The following DACT2 variants were observed in gnomAD, a reference collection of about 807,000 sequenced individuals.
DACT2 encodes the protein dishevelled binding antagonist of beta catenin 2, also known as dapper homolog 2.
A neutral mutation model predicts 22.2 loss-of-function variants in DACT2; 20 were observed. That is an observed-to-expected ratio of 0.90 (90% confidence interval 0.63 to 1.31). The LOEUF (loss-of-function observed/expected upper bound fraction) is 1.31, where lower values mean the gene tolerates loss of function less well. Ranked by LOEUF, DACT2 falls within the 50% of genes most tolerant of loss-of-function variation. DACT2 has a pLI of 0.00. For synonymous variants in DACT2, 463 were observed against 479.8 expected, an observed-to-expected ratio of 0.96 and a Z score of 0.46; for missense variants, 1,048 against 1,061.4, an observed-to-expected ratio of 0.99 and a Z score of 0.18.
chr6:168,311,551 T>TACACACACACCCATACAC (rs778387834), intron 1 of DACT2, among the ~76,000 whole-genome samples: 22,334 of 97,120 alleles, frequency 0.23, 2,657 homozygotes, highest in East Asian at 0.6. Context: ...CACACACACA[T>TACACACACACCCATACAC]ACACACACTC....
intron 1 of DACT2, among the ~76,000 whole-genome samples, chr6:168,313,349 G>A (rs944419647): frequency 6.6e-6 from 1 of 152,148 alleles, no homozygotes; most frequent in Non-Finnish European, 1.5e-5. Flanking sequence ...GGCCTCTGAA[G>A]CCATAATATT....
chr6:168,311,239 G>A lies in DACT2; in HGVS notation c.292C>T (p.Gln98Ter). 6.4e-7 allele frequency: 1 copy of A among 1,550,896 alleles called. No individual in the cohort carries two copies. The highest frequency in any genetic ancestry group is 8.7e-7 in the Non-Finnish European group (1 of 1,146,140). ...AGCTTGCTAATCTGCAGGTCCAGCT[G>A]GTCCAGGTGGGTCTTCAGGCCGATG... ...QDIGLKTHLD[Q>*]LDLQISKLQL... Residue 98 changes from glutamine to a stop codon, truncating the protein, a stop_gained, in exon 2 of 4, where the codon CAG becomes TAG. Coordinates refer to ENST00000366795, the MANE Select transcript of DACT2 (RefSeq NM_214462.5). LOFTEE classifies it high-confidence loss of function.
At position 168,307,970 on chromosome 6, in the gene DACT2, G is replaced by C; in HGVS notation, c.1787C>G (p.Ser596Ter). ...CCTCCTGGCCACTGAGGTGAGCAGT[G>C]ACGCCTCAAAGGGGAACAGGGCTTG... ...SAQALFPFEA[S>*]LLTSVARRKH... The change falls in exon 4 of 4, where the codon TCA (serine) becomes TGA (stop). Residue 596 changes from serine to a stop codon, truncating the protein, a stop_gained. Transcript: ENST00000366795. LOFTEE classifies it low-confidence loss of function (END_TRUNC). The surrounding 1 kb of genome is among the most constrained non-coding windows in gnomAD (Gnocchi z 5.3). 6.4e-7 allele frequency: 1 copy of C among 1,551,074 alleles called. No individual in the cohort carries two copies. The highest frequency in any genetic ancestry group is 2.4e-5 in the East Asian group (1 of 40,898).
chr6:168,308,106 C>G lies in DACT2; in HGVS notation c.1651G>C (p.Ala551Pro), dbSNP rs1193736266. 1.9e-6 allele frequency: 3 copies of G among 1,545,926 alleles called. No individual in the cohort carries two copies. In the Admixed American group the frequency reaches 5.9e-5, roughly 31 times the overall value. ...CGCCCGGGTGCCTCCCAGGCCAGGG[C>G]TGGCCTCCGCTGGAGCCCGCCCCTC... Reference protein sequence around the residue: ...TGRGGLQRRPALAWEAPGRSC... With the variant: ...TGRGGLQRRPPLAWEAPGRSC... The change falls in exon 4 of 4, where the codon GCC becomes CCC. Residue 551 changes from alanine (A) to proline (P), a missense_variant. By Grantham distance (27) the Ala-to-Pro change is conservative. Transcript: ENST00000366795.
Position 168,319,746 on chromosome 6 carries a change from G to C in DACT2, c.-113C>G. 1 of 1,177,912 alleles carries C rather than the reference G, an allele frequency of 8.5e-7. No individual in the cohort carries two copies. Among genetic ancestry groups the C allele is most frequent in the Non-Finnish European group, 1.0e-6 (1 of 953,184 alleles). The allele number at this position is 1,177,912 out of a possible 1,614,324, so 73.0% of individuals were successfully genotyped here. ...CCTGCGCCTCCTCTCTCCGCCCCCG[G>C]CTCCGCAGGTCGCCAAGGTGGGCTG... On this transcript the variant is annotated 5_prime_UTR_variant, in exon 1 of 4. Coordinates refer to ENST00000366795, the MANE Select transcript of DACT2 (RefSeq NM_214462.5).
intron 3 of DACT2, among the ~76,000 whole-genome samples, chr6:168,309,586 G>A (rs937765500): frequency 2.0e-5 from 3 of 152,234 alleles, no homozygotes; most frequent in Admixed American, 2.0e-4. Flanking sequence ...AGGGCTTGGA[G>A]GCTGAAGAGG....
chr6:168,301,374 G>T (rs910782338), intron 3 of DACT2, among the ~76,000 whole-genome samples: 2 of 152,206 alleles, frequency 1.3e-5, no homozygotes, highest in African/African-American at 4.8e-5. Flanking sequence ...AGGCTGGATC[G>T]TATCTAAAAG....
At chr6:168,311,456 T>C (rs1460809365) in intron 1 of DACT2, among the ~76,000 whole-genome samples, 172 bp from the exon 2 acceptor site, 1 of 152,022 alleles carries the variant, frequency 6.6e-6, no homozygotes, top group Non-Finnish European at 1.5e-5. Flanking sequence ...AATTTCCTTG[T>C]TCCACTGTCA....
downstream of DACT2, among the ~76,000 whole-genome samples, chr6:168,304,612 G>A (rs895925726): frequency 5.9e-5 from 9 of 152,228 alleles, no homozygotes; most frequent in African/African-American, 1.2e-4. Flanking sequence ...GCACACTATA[G>A]GGAGGCCATA....
chr6:168,310,843 G>T (rs1779378422), intron 2 of DACT2, among the ~76,000 whole-genome samples: 1 of 152,168 alleles, frequency 6.6e-6, no homozygotes, highest in Non-Finnish European at 1.5e-5. Context: ...GCCAAGTTGA[G>T]GAGACCAGTC....
Position 168,311,903 on chromosome 6 carries a change from G to A in DACT2, c.247-619C>T, listed in dbSNP as rs759819177. ...TAAGGGTTTACTCTCCTGTACTAAC[G>A]CTTTACGCATCTCATGCCCAGGTGC... On this transcript the variant is annotated intron_variant, in intron 1 of 3. Coordinates refer to ENST00000366795, the MANE Select transcript of DACT2 (RefSeq NM_214462.5). Among the ~76,000 whole-genome samples the A allele has an allele frequency of 3.9e-5, 6 of 152,242 alleles. No individual in the cohort carries two copies. In the South Asian group the frequency reaches 1.0e-3, roughly 26 times the overall value.
At chr6:168,294,108 C>G (rs56060091) in intron 5 of DACT2, 291,794 of 702,774 alleles carry the variant, frequency 0.42, 65,725 homozygotes, top group Non-Finnish European at 0.49. Context: ...CCGAAGCACA[C>G]AGACAGTGAG....
intron 2 of DACT2, 121 bp downstream of exon 2, chr6:168,311,031 G>T: frequency 7.6e-7 from 1 of 1,319,346 alleles, no homozygotes; most frequent in Non-Finnish European, 9.9e-7. Flanking sequence ...CCATCTCCCT[G>T]CACGGACACT....
intron 1 of DACT2, 91 bp downstream of exon 1, chr6:168,319,297 C>T: frequency 8.2e-6 from 9 of 1,097,230 alleles, no homozygotes; most frequent in Non-Finnish European, 1.0e-5. Context: ...CATCAGACAC[C>T]CCCGTCCCAC....
intron 1 of DACT2, among the ~76,000 whole-genome samples, chr6:168,313,774 A>G (rs1482495692): frequency 6.6e-6 from 1 of 152,074 alleles, no homozygotes; most frequent in Non-Finnish European, 1.5e-5. Flanking sequence ...CACCCCAGCC[A>G]GCTTTGTCCT....
rs1779229690 is a variant in DACT2 at position 168,307,221 on chromosome 6, A to G, written c.*211T>C. 1 of 1,402,718 alleles carries G rather than the reference A, an allele frequency of 7.1e-7. No individual in the cohort carries two copies. 86.9% of individuals were successfully genotyped at this position (1,402,718 alleles called of 1,614,324 possible). ...GGCCGGGGAGGCTGCTGGCATCTGA[A>G]ACCAGAGCTCCGCATGGAAGTCTTT... On this transcript the variant is annotated 3_prime_UTR_variant, in exon 4 of 4. Coordinates refer to ENST00000366795, the MANE Select transcript of DACT2 (RefSeq NM_214462.5). This position sits in a 1 kb window ranked among gnomAD's most constrained non-coding sequence, Gnocchi z 5.3.
chr6:168,297,088 A>T (rs1779021382), intron 3 of DACT2, among the ~76,000 whole-genome samples: 1 of 152,206 alleles, frequency 6.6e-6, no homozygotes, highest in South Asian at 2.1e-4. Flanking sequence ...CCCTAATTAA[A>T]CACCATTTTA....
Position 168,294,632 on chromosome 6 carries a change from C to T in DACT2, c.730+1G>A. 7.0e-7 allele frequency: 1 copy of T among 1,433,558 alleles called. No homozygotes were observed. The highest frequency in any genetic ancestry group is 2.4e-5 in the Admixed American group (1 of 41,042). 88.8% of individuals were successfully genotyped at this position (1,433,558 alleles called of 1,614,324 possible). ...ATATAAAGAAGAACATCCTTCCCTA[C>T]CTGTCAGTGAACTGGAGGTGCAGCC... On this transcript the variant is annotated splice_donor_variant, in intron 4 of 5. Transcript: ENST00000366796. LOFTEE classifies it high-confidence loss of function.
At chr6:168,294,137 G>A (rs765272431) in exon 5 of DACT2, 6 of 702,836 alleles carry the variant, frequency 8.5e-6, no homozygotes, top group African/African-American at 1.7e-5. Context: ...ACTTACCACT[G>A]AGCAGAAAGG....
Sources: gnomAD v4.1 joint callset for allele counts (sites outside exome capture counted in the v4.1 genomes callset) on GRCh38, gnomAD v4.1.1 for gene constraint, Gnocchi (gnomAD v3.1) non-coding constraint, MANE v1.5 for transcripts, NCBI Gene and HGNC (gene_info 2026-07-23, HGNC 2026-07-21) for gene names.